NKAIN2: variants seen among roughly 807,000 people sequenced by gnomAD.
NKAIN2 encodes the protein sodium/potassium transporting ATPase interacting 2.
In NKAIN2, 14 loss-of-function variants were observed where a neutral mutation model predicts 32.6. The observed-to-expected ratio is 0.43, with a 90% confidence interval of 0.28 to 0.67. NKAIN2 has a LOEUF of 0.67. Among genes scored for constraint, NKAIN2 ranks in the 30% least tolerant of loss-of-function variants. The pLI is 0.17. For synonymous variants in NKAIN2, 80 were observed against 87.2 expected, an observed-to-expected ratio of 0.92 and a Z score of 0.46; for missense variants, 198 against 258.3, an observed-to-expected ratio of 0.77 and a Z score of 1.60.
chr6:124,365,766 T>A (rs1294570343), intron 3 of NKAIN2, among the ~76,000 whole-genome samples: 1 of 152,006 alleles, frequency 6.6e-6, no homozygotes, highest in Admixed American at 6.6e-5. Context: ...TGATTCAAAA[T>A]GTAGAAAGTC....
chr6:124,632,833 T>G (rs1222311973), intron 3 of NKAIN2, among the ~76,000 whole-genome samples: 1 of 152,222 alleles, frequency 6.6e-6, no homozygotes, highest in African/African-American at 2.4e-5. Context: ...AAAAATTCTC[T>G]TGTAAGAATA....
chr6:124,799,869 G>T lies in NKAIN2; in HGVS notation c.535+8470G>T, dbSNP rs374000875. Among the ~76,000 whole-genome samples, 378 of 152,268 alleles carry T rather than the reference G, an allele frequency of 2.5e-3. 15 individuals carry two copies. The South Asian group carries it at 0.075, about 30-fold the overall frequency. On this transcript the variant is annotated intron_variant, in intron 5 of 6. Transcript: ENST00000368417. ...TCTTCCAGTGGTGCAGACCCCCACA[G>T]CCTACCAGCAGTGGGTGTCCTGGAC...
intron 4 of NKAIN2, among the ~76,000 whole-genome samples, chr6:124,701,978 T>C (rs1161807445): frequency 6.6e-6 from 1 of 152,072 alleles, no homozygotes; most frequent in African/African-American, 2.4e-5. Flanking sequence ...AGTGAGCCCA[T>C]AAAGGAGAAC....
chr6:123,937,292 G>A (rs1776558574), intron 1 of NKAIN2, among the ~76,000 whole-genome samples: 1 of 151,982 alleles, frequency 6.6e-6, no homozygotes, highest in Non-Finnish European at 1.5e-5. Flanking sequence ...TTAACTCATT[G>A]GATGTGTCTT....
chr6:124,068,148 C>T (rs1336002194), intron 1 of NKAIN2, among the ~76,000 whole-genome samples: 1 of 152,040 alleles, frequency 6.6e-6, no homozygotes, highest in Admixed American at 6.6e-5. Context: ...GGTTCCACTA[C>T]CCAACCTCTT....
At chr6:124,072,801 CCT>C (rs1209002418) in intron 1 of NKAIN2, among the ~76,000 whole-genome samples, 3 of 152,072 alleles carry the variant, frequency 2.0e-5, no homozygotes, top group African/African-American at 7.2e-5. Context: ...CCTGTGTACC[CCT>C]GTTGTTAACT....
chr6:123,872,548 A>G (rs1772945996), intron 1 of NKAIN2, among the ~76,000 whole-genome samples: 1 of 152,160 alleles, frequency 6.6e-6, no homozygotes, highest in Non-Finnish European at 1.5e-5. Flanking sequence ...GTTCATGATG[A>G]TGGTTGAGGA....
intron 3 of NKAIN2, among the ~76,000 whole-genome samples, chr6:124,508,819 A>T (rs965572222): frequency 6.6e-6 from 1 of 152,116 alleles, no homozygotes; most frequent in Non-Finnish European, 1.5e-5. Flanking sequence ...TTGCAGCTGT[A>T]AAGGAAGCTC....
At chr6:124,590,134 C>T (rs939573446) in intron 3 of NKAIN2, among the ~76,000 whole-genome samples, 1 of 152,128 alleles carries the variant, frequency 6.6e-6, no homozygotes, top group Non-Finnish European at 1.5e-5. Context: ...AAAGAGCAAG[C>T]TAGTCACTAA....
intron 1 of NKAIN2, among the ~76,000 whole-genome samples, chr6:123,918,247 A>G (rs1447283728): frequency 6.6e-6 from 1 of 152,198 alleles, no homozygotes; most frequent in Non-Finnish European, 1.5e-5. Flanking sequence ...GCTGATTGGC[A>G]AGACTTGAGA....
chr6:124,521,681 C>A (rs936634461), intron 3 of NKAIN2, among the ~76,000 whole-genome samples: 1 of 152,018 alleles, frequency 6.6e-6, no homozygotes, highest in African/African-American at 2.4e-5. Context: ...TCTTTTCATG[C>A]GTAATTGATG....
chr6:123,909,876 CGTA>C (rs1775083344), intron 1 of NKAIN2, among the ~76,000 whole-genome samples: 1 of 152,006 alleles, frequency 6.6e-6, no homozygotes, highest in African/African-American at 2.4e-5. Context: ...GCAATTAGCA[CGTA>C]AGTGTGCAAT....
intron 1 of NKAIN2, among the ~76,000 whole-genome samples, chr6:123,827,758 A>T (rs558118255): frequency 6.9e-4 from 105 of 152,226 alleles, no homozygotes; most frequent in Admixed American, 6.5e-3. Context: ...TGTAAGTTAG[A>T]TCTAGAGACA....
At chr6:124,425,915 A>G (rs1774963290) in intron 3 of NKAIN2, among the ~76,000 whole-genome samples, 1 of 152,086 alleles carries the variant, frequency 6.6e-6, no homozygotes, top group Non-Finnish European at 1.5e-5. Flanking sequence ...TACTTGTATT[A>G]TTTTTATTTA....
chr6:124,201,270 A>C (rs373970045), intron 1 of NKAIN2, among the ~76,000 whole-genome samples: 3 of 152,004 alleles, frequency 2.0e-5, no homozygotes, highest in Non-Finnish European at 4.4e-5. Flanking sequence ...GTATGACATT[A>C]AGTGTACATA....
chr6:124,635,295 A>G (rs1172864536), intron 3 of NKAIN2, among the ~76,000 whole-genome samples: 4 of 152,080 alleles, frequency 2.6e-5, no homozygotes, highest in African/African-American at 4.8e-5. Context: ...ATACAAAAGT[A>G]TATAAAACTC....
intron 1 of NKAIN2, among the ~76,000 whole-genome samples, chr6:124,175,848 G>A (rs938239874): frequency 6.6e-6 from 1 of 152,070 alleles, no homozygotes; most frequent in Non-Finnish European, 1.5e-5. Context: ...GTTTGTGAAT[G>A]TACATCTCTC....
At chr6:124,754,565 G>T (rs1479905400) in intron 4 of NKAIN2, among the ~76,000 whole-genome samples, 1 of 152,016 alleles carries the variant, frequency 6.6e-6, no homozygotes, top group Non-Finnish European at 1.5e-5. Flanking sequence ...TTAGAGGAAT[G>T]CAAATCAAAG....
At chr6:124,257,218 A>G (rs1246967821) in intron 1 of NKAIN2, among the ~76,000 whole-genome samples, 1 of 152,032 alleles carries the variant, frequency 6.6e-6, no homozygotes, top group Non-Finnish European at 1.5e-5. Context: ...AACTAACCAA[A>G]GGGTAAAACA....
Sources: allele counts gnomAD v4.1 joint callset (sites outside exome capture counted in the v4.1 genomes callset), GRCh38; gene constraint gnomAD v4.1.1; transcripts MANE v1.5; gene names NCBI Gene and HGNC (gene_info 2026-07-23, HGNC 2026-07-21).